The following TFB1M variants were observed in gnomAD, a reference collection of about 807,000 sequenced individuals.
TFB1M encodes transcription factor B1, mitochondrial.
TFB1M carries 27 observed loss-of-function variants against 31.1 expected under a neutral mutation model. The observed-to-expected ratio is 0.87, with a 90% CI of 0.64 to 1.20. The LOEUF is 1.20. Ranked by LOEUF, TFB1M falls within the 50% of genes most tolerant of loss-of-function variation. TFB1M has a pLI of 0.00. For missense variants in TFB1M, 394 were observed against 418.7 expected (o/e 0.94, Z 0.51); for synonymous variants, 166 against 151.8 (o/e 1.09, Z -0.69).
At chr6:155,234,470 G>A in the TFB1M span, among the ~76,000 whole-genome samples, 1 of 152,182 alleles carries the variant, frequency 6.6e-6, no homozygotes, top group Admixed American at 6.5e-5. Flanking sequence ...GTTTCCCTAT[G>A]TTGTCCAGGA....
At chr6:155,278,779 ACTTAACTAAGGT>A (rs1785340639) in intron 5 of TFB1M, among the ~76,000 whole-genome samples, 1 of 152,200 alleles carries the variant, frequency 6.6e-6, no homozygotes, top group South Asian at 2.1e-4. Context: ...AGCATGCATT[ACTTAACTAAGGT>A]CTTGGTTTGC....
At chr6:155,284,938 G>C (rs142463194) in intron 5 of TFB1M, among the ~76,000 whole-genome samples, 4 of 152,196 alleles carry the variant, frequency 2.6e-5, no homozygotes, top group African/African-American at 9.6e-5. Flanking sequence ...AGGATAACAT[G>C]CATGAACCTA....
intron 5 of TFB1M, among the ~76,000 whole-genome samples, chr6:155,277,444 T>C (rs894556333): frequency 1.3e-5 from 2 of 152,250 alleles, no homozygotes; most frequent in Non-Finnish European, 2.9e-5. Context: ...TAACAATTTA[T>C]TTGTTAATTG....
the TFB1M span, chr6:155,240,565 T>A: frequency 6.2e-7 from 1 of 1,614,108 alleles, no homozygotes; most frequent in East Asian, 2.2e-5. Context: ...GCAGGAGTTT[T>A]AACGACAGTC....
the TFB1M span, chr6:155,250,663 C>G: frequency 4.0e-6 from 6 of 1,511,814 alleles, no homozygotes; most frequent in South Asian, 1.2e-5. Flanking sequence ...GGTCACAAGG[C>G]ATGTCTCACC....
Position 155,305,209 on chromosome 6 carries a change from AAATTATATATTTATAT to A in TFB1M, c.285+5963_285+5978del, listed in dbSNP as rs1487091463. ...TAAATTATATATTTATATATATATT[AAATTATATATTTATAT>A]ATATATATTAAATTATATATTTATA... On this transcript the variant is annotated intron_variant, in intron 2 of 6. Coordinates refer to ENST00000367166, the MANE Select transcript of TFB1M (RefSeq NM_016020.4). Among the ~76,000 whole-genome samples the A allele has an allele frequency of 5.8e-3, 289 of 49,466 alleles. 11 individuals are homozygous for A. The highest frequency in any genetic ancestry group is 0.015 in the African/African-American group (156 of 10,128). The allele number at this position is 49,466 out of a possible 152,430, so 32.5% of individuals were successfully genotyped here. A position where few individuals can be genotyped will look rare whatever the true frequency, so the allele number is the denominator to read the frequency against.
At chr6:155,259,723 A>G (rs1784305475) in intron 6 of TFB1M, among the ~76,000 whole-genome samples, 2 of 152,250 alleles carry the variant, frequency 1.3e-5, no homozygotes, top group Non-Finnish European at 2.9e-5. Flanking sequence ...TGGATCTGCA[A>G]CAAGGCTGTG....
At chr6:155,282,921 G>A (rs1225655280) in intron 5 of TFB1M, among the ~76,000 whole-genome samples, 1 of 151,938 alleles carries the variant, frequency 6.6e-6, no homozygotes, top group African/African-American at 2.4e-5. Context: ...TAGAGACGGG[G>A]TTTCACCATG....
chr6:155,255,212 T>C (rs2115370303), downstream of TFB1M: 1 of 152,380 alleles, frequency 6.6e-6, no homozygotes, highest in East Asian at 1.9e-4. Context: ...GTACATTAAA[T>C]GCATTCTCGA....
At chr6:155,312,732 T>C (rs962724835) in intron 1 of TFB1M, among the ~76,000 whole-genome samples, 4 of 152,004 alleles carry the variant, frequency 2.6e-5, no homozygotes, top group Non-Finnish European at 5.9e-5. Flanking sequence ...GTGGATAATA[T>C]CTAGAATTTG....
the TFB1M span, chr6:155,240,732 T>C: frequency 6.3e-7 from 1 of 1,596,244 alleles, no homozygotes. Flanking sequence ...CTGGCATTTA[T>C]GCATTCGTGC....
chr6:155,244,201 C>T, the TFB1M span: 2 of 943,800 alleles, frequency 2.1e-6, no homozygotes, highest in South Asian at 3.0e-5. Context: ...ACTTAACGGT[C>T]TTCTGAGAGT....
intron 5 of TFB1M, among the ~76,000 whole-genome samples, chr6:155,267,528 T>C (rs567889040): frequency 1.3e-5 from 2 of 152,334 alleles, no homozygotes; most frequent in East Asian, 3.9e-4. Context: ...GAGAAGCTTT[T>C]GGGTGTGGAC....
chr6:155,248,038 C>T, the TFB1M span: 49 of 1,614,076 alleles, frequency 3.0e-5, no homozygotes, highest in African/African-American at 1.5e-4. Flanking sequence ...TCTGGACGCC[C>T]GGAACCCCAC....
At chr6:155,267,900 C>G (rs1024757280) in intron 5 of TFB1M, among the ~76,000 whole-genome samples, 2 of 152,182 alleles carry the variant, frequency 1.3e-5, no homozygotes, top group Non-Finnish European at 1.5e-5. Context: ...GACTTTCAAA[C>G]AATGAGTCCT....
the TFB1M span, among the ~76,000 whole-genome samples, chr6:155,232,079 TCAAAAACAAAAA>T: frequency 7.1e-6 from 1 of 141,014 alleles, no homozygotes; most frequent in African/African-American, 2.7e-5. Context: ...AGACTCTGTC[TCAAAAACAAAAA>T]CAAAAACAAA....
At chr6:155,242,398 A>G in the TFB1M span, among the ~76,000 whole-genome samples, 2 of 152,090 alleles carry the variant, frequency 1.3e-5, no homozygotes, top group Admixed American at 6.5e-5. Context: ...TTTGACATCT[A>G]TGTGTTCCCT....
chr6:155,281,373 T>C (rs181061374), intron 5 of TFB1M, among the ~76,000 whole-genome samples: 1 of 152,318 alleles, frequency 6.6e-6, no homozygotes, highest in East Asian at 1.9e-4. Flanking sequence ...AAGAACCCGT[T>C]ACAACTCTCA....
chr6:155,311,855 G>A (rs1352544056), intron 1 of TFB1M, among the ~76,000 whole-genome samples: 1 of 152,152 alleles, frequency 6.6e-6, no homozygotes, highest in African/African-American at 2.4e-5. Context: ...ATGGCAATAA[G>A]TTCTTAGATC....
Sources: allele counts gnomAD v4.1 joint callset (sites outside exome capture counted in the v4.1 genomes callset), GRCh38; gene constraint gnomAD v4.1.1; transcripts MANE v1.5; gene names NCBI Gene and HGNC (gene_info 2026-07-23, HGNC 2026-07-21).